The following HEATR5A variants were observed in gnomAD, a reference collection of about 807,000 sequenced individuals.
HEATR5A encodes the protein HEAT repeat-containing protein 5A.
Under a neutral mutation model 218.8 loss-of-function variants are expected in HEATR5A, and 178 were observed. That is an observed-to-expected ratio of 0.81 (90% CI 0.72 to 0.92). The LOEUF is 0.92. Ranked by LOEUF, HEATR5A falls within the 40% of genes least tolerant of loss-of-function variation. The pLI is 0.00. For missense variants in HEATR5A, 2,420 were observed against 2,418.9 expected (o/e 1.00, Z -0.01); for synonymous variants, 864 against 871.6 (o/e 0.99, Z 0.15).
Position 31,291,791 on chromosome 14 carries a change from T to C in HEATR5A, c.*1514A>G, listed in dbSNP as rs1899041038. 1 of 152,226 alleles carries C rather than the reference T, an allele frequency of 6.6e-6. No individual in the cohort carries two copies. Among genetic ancestry groups the C allele is most frequent in the Non-Finnish European group, 1.5e-5 (1 of 68,036 alleles). The allele number at this position is 152,226 out of a possible 1,614,324, so 9.4% of individuals were successfully genotyped here. The stretch of plus-strand genomic sequence containing the variant: ...AAATAATTTAAAAATACAAGAATGA[T>C]AATGAAAATTAGCTTTATTTATGTA... On this transcript the variant is annotated 3_prime_UTR_variant, in exon 36 of 36. Transcript: ENST00000543095.
chr14:31,349,897 C>G lies in HEATR5A; in HGVS notation c.2600G>C (p.Ser867Thr), dbSNP rs1261529920. ...TGCACATCTCAGCAAGGGGTTGGGG[C>G]TTTCTAGGGCTCCCATAACTAATGT... is the stretch of plus-strand genomic sequence containing the variant. ...ALTLVMGALE[S>T]PNPLLRCAAA... Residue 867 changes from serine to threonine, a missense_variant, in exon 18 of 36, where the codon AGC becomes ACC. Ser to Thr is a moderately conservative substitution (Grantham distance 58). Transcript: ENST00000543095. 6 of 1,612,024 alleles carry G rather than the reference C, an allele frequency of 3.7e-6. No individual in the cohort carries two copies. In the African/African-American group the frequency reaches 4.0e-5, roughly 11 times the overall value.
intron 14 of HEATR5A, among the ~76,000 whole-genome samples, chr14:31,363,216 G>T (rs1471444455): frequency 6.6e-6 from 1 of 151,516 alleles, no homozygotes; most frequent in Non-Finnish European, 1.5e-5. Flanking sequence ...TCCAGCCTGG[G>T]GGACAGAGCA....
intron 9 of HEATR5A, among the ~76,000 whole-genome samples, chr14:31,385,369 T>C (rs2030174728): frequency 6.6e-6 from 1 of 152,024 alleles, no homozygotes; most frequent in African/African-American, 2.4e-5. Context: ...GCTCAAGCAA[T>C]TCTCCCATTT....
At chr14:31,307,551 A>G (rs1224487420) in intron 30 of HEATR5A, among the ~76,000 whole-genome samples, 1 of 152,210 alleles carries the variant, frequency 6.6e-6, no homozygotes, top group Non-Finnish European at 1.5e-5. Context: ...GGAATATAAG[A>G]TACAGGTATA....
intron 1 of HEATR5A, among the ~76,000 whole-genome samples, chr14:31,409,616 C>G (rs2031205268): frequency 6.6e-6 from 1 of 152,070 alleles, no homozygotes; most frequent in Non-Finnish European, 1.5e-5. Flanking sequence ...GGGAGGATCC[C>G]TTGAGATAGG....
intron 11 of HEATR5A, among the ~76,000 whole-genome samples, chr14:31,376,121 T>C (rs540367933): frequency 6.6e-6 from 1 of 152,340 alleles, no homozygotes; most frequent in South Asian, 2.1e-4. Context: ...GGATGAGTTA[T>C]TTAACCTTTT....
At position 31,343,933 on chromosome 14, in the gene HEATR5A, C is replaced by T. The variant is rs779508768; in HGVS notation, c.3191G>A (p.Arg1064Gln). ...CLQQLHMFAP[R>Q]HVNLSSLVSC... ...AACCAGGCTAGACAAGTTGACATGT[C>T]GTGGAGCAAACATATGAAGCTGCTG... The change falls in exon 21 of 36, where the codon CGA becomes CAA. Residue 1064 changes from arginine to glutamine, a missense_variant. Coordinates refer to ENST00000543095, the MANE Select transcript of HEATR5A (RefSeq NM_015473.4). 14 of 1,610,502 alleles carry T rather than the reference C, an allele frequency of 8.7e-6. No homozygotes were observed. The highest frequency in any genetic ancestry group is 6.7e-5 in the East Asian group (3 of 44,840).
At chr14:31,366,620 T>C (rs1032561370) in intron 13 of HEATR5A, among the ~76,000 whole-genome samples, 6 of 152,176 alleles carry the variant, frequency 3.9e-5, no homozygotes, top group African/African-American at 1.4e-4. Context: ...GCTACTTACT[T>C]AGGTAAGTAT....
chr14:31,324,517 A>G (rs1595097562), intron 23 of HEATR5A, among the ~76,000 whole-genome samples: 2 of 152,228 alleles, frequency 1.3e-5, no homozygotes, highest in East Asian at 3.8e-4. Context: ...TCAAGTTAAC[A>G]GAGCCTGGAA....
rs1427373150 is a variant in HEATR5A, at chr14:31,323,742, C to G, written c.3610G>C (p.Ala1204Pro). 3 of 1,611,086 alleles carry G rather than the reference C, an allele frequency of 1.9e-6. No individual in the cohort carries two copies. The highest frequency in any genetic ancestry group is 2.5e-6 in the Non-Finnish European group (3 of 1,177,400). Reference protein sequence around the residue: ...QEEEGDKGDDASVLTTRRDEK... With the variant: ...QEEEGDKGDDPSVLTTRRDEK... Reference sequence around the variant, plus strand: ...TCACGTCTGGTGGTCAGGACTGAGGCATCATCCCCTTTATCTCCTTCTTCT... The same window carrying G: ...TCACGTCTGGTGGTCAGGACTGAGGGATCATCCCCTTTATCTCCTTCTTCT... Residue 1204 changes from alanine to proline, a missense_variant, in exon 24 of 36, where the codon GCC becomes CCC. Ala to Pro is a conservative substitution (Grantham distance 27). Coordinates refer to ENST00000543095, the MANE Select transcript of HEATR5A (RefSeq NM_015473.4).
At chr14:31,357,516 G>GGA (rs1901466111) in intron 16 of HEATR5A, among the ~76,000 whole-genome samples, 1 of 152,144 alleles carries the variant, frequency 6.6e-6, no homozygotes, top group Non-Finnish European at 1.5e-5. Flanking sequence ...CTATGAGAGA[G>GGA]ATTCACTTCC....
intron 24 of HEATR5A, among the ~76,000 whole-genome samples, chr14:31,322,348 G>A (rs1342580692): frequency 1.3e-5 from 2 of 152,134 alleles, no homozygotes; most frequent in South Asian, 4.1e-4. Context: ...AGTATCTACA[G>A]TATGTAAATT....
chr14:31,326,050 CA>C, intron 23 of HEATR5A, 112 bp downstream of exon 23: 1 of 733,042 alleles, frequency 1.4e-6, no homozygotes, highest in South Asian at 1.7e-5. Context: ...AACAATCAGA[CA>C]GTCAGAATCC....
intron 31 of HEATR5A, among the ~76,000 whole-genome samples, chr14:31,305,991 G>A (rs1164660300): frequency 6.6e-6 from 1 of 152,194 alleles, no homozygotes; most frequent in African/African-American, 2.4e-5. Flanking sequence ...TACCATATTA[G>A]ACTTGTAAAT....
chr14:31,351,180 G>A (rs796768644), intron 16 of HEATR5A, among the ~76,000 whole-genome samples: 17 of 152,294 alleles, frequency 1.1e-4, no homozygotes, highest in African/African-American at 3.6e-4. Flanking sequence ...ACTAAAATTT[G>A]AGATAATACC....
At chr14:31,373,925 A>G (rs35904795) in intron 12 of HEATR5A, among the ~76,000 whole-genome samples, 51,939 of 151,800 alleles carry the variant, frequency 0.34, 10,220 homozygotes, top group Non-Finnish European at 0.43. Context: ...TAGTAAATAT[A>G]TTTTCTCTTC....
chr14:31,312,851 T>C (rs1788559485), intron 28 of HEATR5A, 117 bp downstream of exon 28: 1 of 847,172 alleles, frequency 1.2e-6, no homozygotes, highest in South Asian at 1.8e-5. Flanking sequence ...TGAGCCAAAA[T>C]TGCACCATGG....
chr14:31,381,386 T>C (rs2029975804), intron 10 of HEATR5A, among the ~76,000 whole-genome samples: 1 of 151,014 alleles, frequency 6.6e-6, no homozygotes, highest in Non-Finnish European at 1.5e-5. Context: ...AATGTTATAG[T>C]AAAAAAGTCT....
At chr14:31,364,342 T>A in intron 13 of HEATR5A, 44 bp from the exon 14 acceptor site, 2 of 953,126 alleles carry the variant, frequency 2.1e-6, no homozygotes, top group Non-Finnish European at 3.2e-6. Flanking sequence ...TTAAGTTATA[T>A]AACAATATAC....
Sources: gnomAD v4.1 joint callset for allele counts (sites outside exome capture counted in the v4.1 genomes callset) on GRCh38, gnomAD v4.1.1 for gene constraint, MANE v1.5 for transcripts, NCBI Gene and HGNC (gene_info 2026-07-23, HGNC 2026-07-21) for gene names.